Variants in GARS1 observed in about 807,000 individuals in gnomAD.
The protein encoded by GARS1 is glycyl-tRNA synthetase 1, also known as glycine--tRNA ligase.
Under a neutral mutation model 86.4 loss-of-function variants are expected in GARS1, and 46 were observed. The observed-to-expected ratio is 0.53, with a 90% CI of 0.42 to 0.68. The LOEUF (loss-of-function observed/expected upper bound fraction) is 0.68. Ranked by LOEUF, GARS1 falls within the 30% of genes least tolerant of loss-of-function variation. The probability of loss-of-function intolerance (pLI) is 0.00; values close to 1 mark genes in which losing one functional copy is unlikely to be tolerated. For missense variants in GARS1, 797 were observed against 915.6 expected (o/e 0.87, Z 1.67); for synonymous variants, 342 against 329.8 (o/e 1.04, Z -0.40).
upstream of GARS1, chr7:30,594,864 G>C (rs1378592736): frequency 7.0e-7 from 1 of 1,418,740 alleles, no homozygotes; most frequent in African/African-American, 1.4e-5. Flanking sequence ...GCTCCGAGCC[G>C]GGCGGCGCGC....
chr7:30,596,057 A>G lies in GARS1; in HGVS notation c.222+914A>G, dbSNP rs561638928. The G allele has an allele frequency of 4.4e-4, 160 of 366,476 alleles. 1 individual carries two copies. Among genetic ancestry groups the G allele is most frequent in the Admixed American group, 4.7e-4 (13 of 27,572 alleles). 22.7% of individuals were successfully genotyped at this position (366,476 alleles called of 1,614,324 possible). A position where few individuals can be genotyped will look rare whatever the true frequency, so the allele number is the denominator to read the frequency against. ...GAAAAGATTATTTCAGATGATTCCCATATGCAATTAGGGAGAGCCAGAGCT... is the reference window on the plus strand; with the variant it reads ...GAAAAGATTATTTCAGATGATTCCCGTATGCAATTAGGGAGAGCCAGAGCT... On this transcript the variant is annotated intron_variant, in intron 1 of 16. Coordinates refer to ENST00000389266, the MANE Select transcript of GARS1 (RefSeq NM_002047.4).
At chr7:30,598,924 A>C (rs760384921) in intron 2 of GARS1, 27 bp downstream of exon 2, 11 of 1,532,772 alleles carry the variant, frequency 7.2e-6, no homozygotes, top group Non-Finnish European at 7.2e-6. Flanking sequence ...TAAAATAGGA[A>C]CATAAGTAGG....
At chr7:30,621,998 AT>A in intron 11 of GARS1, 1 of 399,354 alleles carries the variant, frequency 2.5e-6, no homozygotes, top group South Asian at 2.3e-5. Context: ...GTGACAGGAA[AT>A]AGATCTTGTT....
chr7:30,621,305 A>G, intron 10 of GARS1, 88 bp from the exon 11 acceptor site: 5 of 1,023,970 alleles, frequency 4.9e-6, no homozygotes, highest in Non-Finnish European at 7.7e-6. Context: ...TGAATATATG[A>G]AAGGTTTATA....
At chr7:30,623,889 A>G (rs1783070040) in intron 12 of GARS1, among the ~76,000 whole-genome samples, 2 of 152,230 alleles carry the variant, frequency 1.3e-5, no homozygotes, top group Admixed American at 6.5e-5. Context: ...TCATATCAAA[A>G]ACTGCGCGGA....
At chr7:30,604,410 T>C (rs1233510235) in intron 6 of GARS1, among the ~76,000 whole-genome samples, 1 of 152,190 alleles carries the variant, frequency 6.6e-6, no homozygotes, top group Non-Finnish European at 1.5e-5. Flanking sequence ...ACTGTGATTA[T>C]ACCTATTTTC....
chr7:30,627,007 C>G (rs1303938437), intron 13 of GARS1: 1 of 433,310 alleles, frequency 2.3e-6, no homozygotes, highest in Non-Finnish European at 4.7e-6. Context: ...GTAATTTAGA[C>G]CAGTGATGTT....
intron 1 of GARS1, among the ~76,000 whole-genome samples, chr7:30,596,903 G>T (rs1055485031): frequency 3.9e-5 from 6 of 152,192 alleles, no homozygotes; most frequent in African/African-American, 1.4e-4. Context: ...ATTGTGAAGT[G>T]CAATTGAAAA....
rs1477525816 is a variant in GARS1 at position 30,627,663 on chromosome 7, G to T, written c.1700-897G>T. Among the ~76,000 whole-genome samples the T allele has an allele frequency of 6.6e-5, 10 of 152,302 alleles. No homozygotes were observed. The East Asian group carries it at 1.7e-3, about 26-fold the overall frequency. On this transcript the variant is annotated intron_variant, in intron 13 of 16. Transcript: ENST00000389266. ...CTGTGAGCCCCTGTAAGATGTCTTTGATGGAGTGCTGTTCTTTGAGCAAAC... is the reference window on the plus strand; with the variant it reads ...CTGTGAGCCCCTGTAAGATGTCTTTTATGGAGTGCTGTTCTTTGAGCAAAC...
At chr7:30,621,863 A>G (rs1480904688) in intron 11 of GARS1, among the ~76,000 whole-genome samples, 2 of 152,224 alleles carry the variant, frequency 1.3e-5, no homozygotes, top group Admixed American at 6.5e-5. Context: ...CCATTAAAAG[A>G]TGAGTGCCAT....
chr7:30,629,240 C>T (rs1469466671), intron 14 of GARS1, among the ~76,000 whole-genome samples: 1 of 152,106 alleles, frequency 6.6e-6, no homozygotes, highest in Non-Finnish European at 1.5e-5. Context: ...CTTGACAGAT[C>T]ATAAATGGGA....
intron 1 of GARS1, among the ~76,000 whole-genome samples, chr7:30,598,338 A>G (rs1791299373): frequency 6.6e-6 from 1 of 151,482 alleles, no homozygotes; most frequent in African/African-American, 2.4e-5. Context: ...CTTGATTCAT[A>G]ATGATCACTC....
intron 14 of GARS1, among the ~76,000 whole-genome samples, chr7:30,629,014 C>T (rs1296754511): frequency 6.6e-6 from 1 of 152,046 alleles, no homozygotes; most frequent in Admixed American, 6.6e-5. Context: ...TGAGATAACT[C>T]CTAGAATTTA....
At chr7:30,599,925 C>A in intron 2 of GARS1, 22 bp from the exon 3 acceptor site, 7 of 1,486,762 alleles carry the variant, frequency 4.7e-6, no homozygotes, top group Non-Finnish European at 5.6e-6. Context: ...CACTCACTCA[C>A]TTTTTATTTA....
At chr7:30,626,167 A>T (rs1783122870) in intron 12 of GARS1, 67 bp from the exon 13 acceptor site, 4 of 931,194 alleles carry the variant, frequency 4.3e-6, no homozygotes, top group Middle Eastern at 4.3e-4. Flanking sequence ...AATCTACAAA[A>T]TTCCTTTAAA....
chr7:30,633,898 A>T lies in GARS1; in HGVS notation c.*38A>T, dbSNP rs1446636080. 8 of 582,072 alleles carry T rather than the reference A, an allele frequency of 1.4e-5. No individual in the cohort carries two copies. The highest frequency in any genetic ancestry group is 1.8e-5 in the Non-Finnish European group (8 of 440,174). The allele number at this position is 582,072 out of a possible 1,614,324, so 36.1% of individuals were successfully genotyped here. On this transcript the variant is annotated 3_prime_UTR_variant, in exon 17 of 17. Transcript: ENST00000389266. Reference sequence around the variant, plus strand: ...CAACTTTTGACCACTTGCGCTAATAAAAAAAAAAAAAAACTACTCTTATGT... The same window carrying T: ...CAACTTTTGACCACTTGCGCTAATATAAAAAAAAAAAAACTACTCTTATGT...
intron 13 of GARS1, among the ~76,000 whole-genome samples, chr7:30,626,548 G>A (rs1019767189): frequency 6.6e-6 from 1 of 152,168 alleles, no homozygotes; most frequent in Non-Finnish European, 1.5e-5. Flanking sequence ...TGAGGTTTTT[G>A]CCATGTTGCC....
rs765145813 is a variant in GARS1, at chr7:30,594,885, T to G, written c.-37T>G. Reference sequence around the variant, plus strand: ...AGCCGGGCGGCGCGCGCCGCTTCCGTCGCCACCCTCTCTGGACAGCCCAGG... The same window carrying G: ...AGCCGGGCGGCGCGCGCCGCTTCCGGCGCCACCCTCTCTGGACAGCCCAGG... On this transcript the variant is annotated 5_prime_UTR_variant, in exon 1 of 17. Transcript: ENST00000389266. 2 of 1,499,016 alleles carry G rather than the reference T, an allele frequency of 1.3e-6. No individual in the cohort carries two copies. The highest frequency in any genetic ancestry group is 1.8e-6 in the Non-Finnish European group (2 of 1,114,796). The allele number at this position is 1,499,016 out of a possible 1,614,324, so 92.9% of individuals were successfully genotyped here. A position where few individuals can be genotyped will look rare whatever the true frequency, so the allele number is the denominator to read the frequency against.
chr7:30,614,708 C>A (rs979745719), intron 8 of GARS1, among the ~76,000 whole-genome samples: 5 of 152,100 alleles, frequency 3.3e-5, no homozygotes, highest in African/African-American at 1.2e-4. Context: ...AACCCTGCCT[C>A]TACTAAAAAT....
Sources: allele counts gnomAD v4.1 joint callset (sites outside exome capture counted in the v4.1 genomes callset), GRCh38; gene constraint gnomAD v4.1.1; transcripts MANE v1.5; gene names NCBI Gene and HGNC (gene_info 2026-07-23, HGNC 2026-07-21).